SCAPER: variants seen among roughly 807,000 people sequenced by gnomAD.
SCAPER encodes S-phase cyclin A associated protein in the ER, also known as S phase cyclin A-associated protein in the endoplasmic reticulum.
SCAPER carries 98 observed loss-of-function variants against 182.2 expected under a neutral mutation model. The observed-to-expected ratio is 0.54, with a 90% CI of 0.46 to 0.64. SCAPER has a LOEUF of 0.64. Among genes scored for constraint, SCAPER ranks in the 30% least tolerant of loss-of-function variants. The probability of loss-of-function intolerance (pLI) is 0.00; values close to 1 mark genes in which losing one functional copy is unlikely to be tolerated. For synonymous variants in SCAPER, 605 were observed against 564.6 expected (o/e 1.07, Z -1.01); for missense variants, 1,432 against 1,690.0 (o/e 0.85, Z 2.68).
chr15:76,722,097 T>A (rs567219695), intron 17 of SCAPER, among the ~76,000 whole-genome samples: 1 of 152,328 alleles, frequency 6.6e-6, no homozygotes, highest in Admixed American at 6.5e-5. Flanking sequence ...TTGAGATTTG[T>A]CCCATCAATA....
chr15:76,883,772 A>T, intron 2 of SCAPER, 40 bp downstream of exon 2: 1 of 1,458,210 alleles, frequency 6.9e-7, no homozygotes. Flanking sequence ...GAAAAGAGAA[A>T]GGCAAAAAAA....
chr15:76,780,353 G>A (rs970176813), intron 8 of SCAPER, among the ~76,000 whole-genome samples: 1 of 152,226 alleles, frequency 6.6e-6, no homozygotes, highest in African/African-American at 2.4e-5. Flanking sequence ...TGAGGCTTGA[G>A]GAGGTAAACA....
At chr15:76,420,531 G>C (rs1482274751) in intron 26 of SCAPER, among the ~76,000 whole-genome samples, 3 of 152,032 alleles carry the variant, frequency 2.0e-5, no homozygotes, top group Non-Finnish European at 4.4e-5. Context: ...AATCAAAAGA[G>C]CAATTCCATT....
At position 76,523,688 on chromosome 15, in the gene SCAPER, G is replaced by A. The variant is rs114533566; in HGVS notation, c.2839-18714C>T. On this transcript the variant is annotated intron_variant, in intron 23 of 31. Transcript: ENST00000563290. The stretch of plus-strand genomic sequence containing the variant: ...TATTATAACATGAGTACAATCAGAG[G>A]GCTCAGAGAGCACAGAAGAGTAATA... Among the ~76,000 whole-genome samples, 1,234 of 151,988 alleles carry A rather than the reference G, an allele frequency of 8.1e-3. 13 individuals carry two copies. Among genetic ancestry groups the A allele is most frequent in the African/African-American group, 0.028 (1,170 of 41,472 alleles).
At chr15:76,643,057 C>T (rs904748294) in intron 21 of SCAPER, among the ~76,000 whole-genome samples, 2 of 151,318 alleles carry the variant, frequency 1.3e-5, no homozygotes, top group Non-Finnish European at 3.0e-5. Flanking sequence ...TTTGAACTGG[C>T]TTACTATAGC....
chr15:76,429,683 T>G (rs895908527), intron 26 of SCAPER, among the ~76,000 whole-genome samples: 1 of 151,410 alleles, frequency 6.6e-6, no homozygotes, highest in African/African-American at 2.4e-5. Flanking sequence ...AAGGGGTGAC[T>G]TGGGTGCTGT....
At chr15:76,776,575 T>A (rs546500803) in intron 8 of SCAPER, among the ~76,000 whole-genome samples, 1 of 152,202 alleles carries the variant, frequency 6.6e-6, no homozygotes, top group South Asian at 2.1e-4. Context: ...GAAAAAGTAG[T>A]GGGGGGCAGA....
intron 23 of SCAPER, among the ~76,000 whole-genome samples, chr15:76,554,653 AAAAG>A (rs2046049146): frequency 6.6e-6 from 1 of 152,166 alleles, no homozygotes; most frequent in South Asian, 2.1e-4. Flanking sequence ...ATAAAATAAA[AAAAG>A]AAAGAAACAG....
intron 5 of SCAPER, among the ~76,000 whole-genome samples, chr15:76,807,057 T>C (rs919387824): frequency 3.3e-5 from 5 of 152,236 alleles, no homozygotes; most frequent in Admixed American, 6.5e-5. Context: ...TTATGTTTTC[T>C]TGTCTAATTG....
intron 1 of SCAPER, among the ~76,000 whole-genome samples, chr15:76,900,963 C>A (rs976009042): frequency 6.6e-6 from 1 of 152,204 alleles, no homozygotes; most frequent in Non-Finnish European, 1.5e-5. Context: ...TTAAGAAAAT[C>A]TGAGTATTTG....
intron 2 of SCAPER, among the ~76,000 whole-genome samples, chr15:76,882,646 T>C (rs2073621905): frequency 6.6e-6 from 1 of 152,092 alleles, no homozygotes; most frequent in African/African-American, 2.4e-5. Flanking sequence ...ATACAACAAA[T>C]AGATGCTCTC....
intron 27 of SCAPER, among the ~76,000 whole-genome samples, chr15:76,387,415 T>C (rs1361122242): frequency 6.6e-6 from 1 of 152,220 alleles, no homozygotes; most frequent in African/African-American, 2.4e-5. Flanking sequence ...CAGTGTCTCA[T>C]ATACAGTAGC....
chr15:76,481,929 G>T (rs544845663), intron 24 of SCAPER, among the ~76,000 whole-genome samples: 1 of 152,162 alleles, frequency 6.6e-6, no homozygotes, highest in Non-Finnish European at 1.5e-5. Context: ...ACATGGTGAA[G>T]TTCAAATGTT....
chr15:76,854,066 C>T (rs996011285), intron 4 of SCAPER, among the ~76,000 whole-genome samples: 2 of 152,016 alleles, frequency 1.3e-5, no homozygotes, highest in African/African-American at 2.4e-5. Context: ...GTCAGCAGAT[C>T]GAGACCACCC....
chr15:76,901,688 A>G (rs2074795429), intron 1 of SCAPER, among the ~76,000 whole-genome samples: 1 of 151,700 alleles, frequency 6.6e-6, no homozygotes, highest in African/African-American at 2.4e-5. Context: ...TTCATGTCAT[A>G]GAAGAAAAAG....
At chr15:76,858,592 T>A (rs1382915289) in intron 3 of SCAPER, among the ~76,000 whole-genome samples, 1 of 152,266 alleles carries the variant, frequency 6.6e-6, no homozygotes, top group Middle Eastern at 3.4e-3. Flanking sequence ...AACTGATAGG[T>A]AGTTTTTCAA....
At chr15:76,565,051 C>T (rs185662348) in intron 23 of SCAPER, among the ~76,000 whole-genome samples, 17 of 151,938 alleles carry the variant, frequency 1.1e-4, no homozygotes, top group Admixed American at 5.9e-4. Context: ...ATGTAAAATC[C>T]GAAACTAAAA....
chr15:76,769,314 G>A (rs1468699144), intron 10 of SCAPER, among the ~76,000 whole-genome samples: 2 of 151,722 alleles, frequency 1.3e-5, no homozygotes, highest in Non-Finnish European at 2.9e-5. Context: ...GTGGTGGCAA[G>A]CGCCTGTAGT....
At chr15:76,728,769 G>T in intron 16 of SCAPER, 32 bp from the exon 17 acceptor site, 1 of 1,580,862 alleles carries the variant, frequency 6.3e-7, no homozygotes, top group Non-Finnish European at 8.6e-7. Flanking sequence ...TCCAATATTA[G>T]AATTATGTGT....
Sources: allele counts gnomAD v4.1 joint callset (sites outside exome capture counted in the v4.1 genomes callset), GRCh38; gene constraint gnomAD v4.1.1; transcripts MANE v1.5; gene names NCBI Gene and HGNC (gene_info 2026-07-23, HGNC 2026-07-21).